IL19: variants seen among roughly 807,000 people sequenced by gnomAD.
IL19 encodes interleukin 19.
A neutral mutation model predicts 19.5 loss-of-function variants in IL19; 15 were observed. The ratio of observed to expected loss-of-function variants is 0.77; its 90% CI spans 0.52 to 1.19. The LOEUF (loss-of-function observed/expected upper bound fraction) is 1.19, where lower values mean the gene tolerates loss of function less well. IL19 is among the 50% of genes most tolerant of loss of function. The pLI, the probability that IL19 is intolerant of heterozygous loss-of-function variation, is 0.00. For synonymous variants in IL19, 78 were observed against 78.3 expected, an observed-to-expected ratio of 1.00 and a Z score of 0.02; for missense variants, 199 against 213.1, an observed-to-expected ratio of 0.93 and a Z score of 0.41.
At chr1:206,774,748 C>A (rs1428734706) in intron 1 of IL19, among the ~76,000 whole-genome samples, 4 of 152,116 alleles carry the variant, frequency 2.6e-5, no homozygotes, top group African/African-American at 9.7e-5. Context: ...TACTTAGCAC[C>A]AAGTCTGGCC....
rs533484041 is a variant in IL19, at chr1:206,795,693, A to G, written c.-148-3168A>G. Reference sequence around the variant, plus strand: ...GAGCTTCTTACAGCCTCTGCATACTACACATGGATAACTGTTTACCTTCCT... The same window carrying G: ...GAGCTTCTTACAGCCTCTGCATACTGCACATGGATAACTGTTTACCTTCCT... On this transcript the variant is annotated intron_variant, in intron 1 of 6. Coordinates refer to ENST00000659997, the MANE Select transcript of IL19 (RefSeq NM_153758.5). 2.4e-4 allele frequency among the ~76,000 whole-genome samples: 37 copies of G among 152,264 alleles called. No individual in the cohort carries two copies. The East Asian group carries it at 6.4e-3, about 26-fold the overall frequency.
chr1:206,781,095 C>T (rs1291340436), intron 1 of IL19, among the ~76,000 whole-genome samples: 2 of 151,974 alleles, frequency 1.3e-5, no homozygotes, highest in Non-Finnish European at 1.5e-5. Context: ...CATAGTTTGG[C>T]CTGCCTTCCC....
chr1:206,797,629 T>C (rs1019632237), intron 1 of IL19, among the ~76,000 whole-genome samples: 4 of 152,230 alleles, frequency 2.6e-5, no homozygotes, highest in African/African-American at 9.6e-5. Context: ...ATTTTCCTGA[T>C]CTTTTTTCTC....
intron 2 of IL19, among the ~76,000 whole-genome samples, chr1:206,825,058 CT>C (rs775664149): frequency 1.3e-5 from 2 of 152,144 alleles, no homozygotes; most frequent in Non-Finnish European, 2.9e-5. Flanking sequence ...GCCAGGCCCC[CT>C]GAATCCAAAT....
intron 1 of IL19, among the ~76,000 whole-genome samples, chr1:206,780,992 T>C (rs1483114690): frequency 6.6e-6 from 1 of 152,184 alleles, no homozygotes; most frequent in Admixed American, 6.5e-5. Context: ...TAGATATTTT[T>C]GTCTTAGGGG....
rs187766438 is a variant in IL19 at position 206,803,481 on chromosome 1, T to C, written c.-3+4475T>C. ...TTGTATCTTTACTCTCAAAAACAAG[T>C]CATTTTTGTTCCTGTCAGCATCTTG... On this transcript the variant is annotated intron_variant, in intron 2 of 6. Coordinates refer to ENST00000659997, the MANE Select transcript of IL19 (RefSeq NM_153758.5). 2.6e-5 allele frequency among the ~76,000 whole-genome samples: 4 copies of C among 152,220 alleles called. No individual in the cohort carries two copies. In the East Asian group the frequency reaches 7.7e-4, roughly 29 times the overall value.
chr1:206,784,967 C>A (rs879419296), intron 1 of IL19, among the ~76,000 whole-genome samples: 3 of 152,202 alleles, frequency 2.0e-5, no homozygotes, highest in Non-Finnish European at 4.4e-5. Flanking sequence ...CCTGGATTCC[C>A]GTGGCAGAGC....
chr1:206,772,460 T>C, intron 1 of IL19: 4 of 1,613,112 alleles, frequency 2.5e-6, no homozygotes, highest in Non-Finnish European at 3.4e-6. Flanking sequence ...GTCTGTCTTG[T>C]GGTTTGGTTT....
chr1:206,777,355 C>T (rs1675036205), intron 1 of IL19, among the ~76,000 whole-genome samples: 1 of 146,162 alleles, frequency 6.8e-6, no homozygotes, highest in Admixed American at 6.9e-5. Context: ...TGCAGTGAGC[C>T]GAGATCGCGT....
chr1:206,793,512 C>A (rs1043515986), intron 1 of IL19, among the ~76,000 whole-genome samples: 1 of 152,176 alleles, frequency 6.6e-6, no homozygotes, highest in Non-Finnish European at 1.5e-5. Context: ...CCTGACTCAC[C>A]CTGCATCGCT....
At chr1:206,799,837 C>T (rs1317635347) in intron 2 of IL19, among the ~76,000 whole-genome samples, 1 of 152,330 alleles carries the variant, frequency 6.6e-6, no homozygotes, top group Admixed American at 6.5e-5. Context: ...ACCCTCTGAT[C>T]AATCCTATGG....
In IL19 at chr1:206,837,718, G is replaced by T. The variant is rs1004540243; in HGVS notation, c.210+695G>T. 1.2e-4 allele frequency among the ~76,000 whole-genome samples: 19 copies of T among 152,274 alleles called. 1 individual carries two copies. The highest frequency in any genetic ancestry group is 4.3e-4 in the African/African-American group (18 of 41,542). ...AACAAAACAATTATCAGGGCATAGT[G>T]GCATGCAACTCTATTCCCAGCTACT... On this transcript the variant is annotated intron_variant, in intron 4 of 6. Coordinates refer to ENST00000659997, the MANE Select transcript of IL19 (RefSeq NM_153758.5).
chr1:206,811,782 G>C (rs1033874052), intron 2 of IL19, among the ~76,000 whole-genome samples: 15 of 152,140 alleles, frequency 9.9e-5, no homozygotes, highest in African/African-American at 3.4e-4. Context: ...AAAAGTCCCA[G>C]CCAGCCCCCA....
At chr1:206,802,392 C>G (rs142465425) in intron 2 of IL19, among the ~76,000 whole-genome samples, 1 of 151,874 alleles carries the variant, frequency 6.6e-6, no homozygotes, top group African/African-American at 2.4e-5. Context: ...CTTCCATGTA[C>G]CAAAACCTGG....
chr1:206,836,571 T>A (rs1253377424), intron 2 of IL19, 90 bp from the exon 3 acceptor site: 8 of 1,258,816 alleles, frequency 6.4e-6, no homozygotes, highest in African/African-American at 1.5e-5. Flanking sequence ...CGGCTTGCCT[T>A]CGAGGCTGGA....
chr1:206,817,058 C>G (rs908234366), intron 2 of IL19, among the ~76,000 whole-genome samples: 2 of 152,220 alleles, frequency 1.3e-5, no homozygotes, highest in African/African-American at 4.8e-5. Context: ...CGCTGAAACT[C>G]CCTTGGCTTC....
chr1:206,775,348 G>A (rs537965833), intron 1 of IL19, among the ~76,000 whole-genome samples: 1 of 152,170 alleles, frequency 6.6e-6, no homozygotes, highest in African/African-American at 2.4e-5. Flanking sequence ...CACTGTGCCC[G>A]GCCCGGATCT....
intron 6 of IL19, among the ~76,000 whole-genome samples, chr1:206,841,578 G>A (rs1677020912): frequency 6.6e-6 from 1 of 152,228 alleles, no homozygotes; most frequent in South Asian, 2.1e-4. Context: ...TCAAGATCTT[G>A]TTAAAATGCA....
At chr1:206,776,408 G>A (rs1453336372) in intron 1 of IL19, among the ~76,000 whole-genome samples, 1 of 151,654 alleles carries the variant, frequency 6.6e-6, no homozygotes, top group Non-Finnish European at 1.5e-5. Flanking sequence ...GAGGAATCTG[G>A]GCAGGCAAGA....
Sources: allele counts gnomAD v4.1 joint callset (sites outside exome capture counted in the v4.1 genomes callset), GRCh38; gene constraint gnomAD v4.1.1; transcripts MANE v1.5; gene names NCBI Gene and HGNC (gene_info 2026-07-23, HGNC 2026-07-21).